Variants in EYA2 observed in about 807,000 individuals in gnomAD.
The protein encoded by EYA2 is EYA transcriptional coactivator and phosphatase 2, also known as protein phosphatase EYA2.
A neutral mutation model predicts 69.2 loss-of-function variants in EYA2; 31 were observed. The ratio of observed to expected loss-of-function variants is 0.45; its 90% CI spans 0.34 to 0.60. EYA2 has a LOEUF of 0.60. Ranked by LOEUF, EYA2 falls within the 20% of genes least tolerant of loss-of-function variation. The pLI is 0.02. For missense variants in EYA2, 622 were observed against 701.2 expected, an observed-to-expected ratio of 0.89 and a Z score of 1.28; for synonymous variants, 257 against 279.4, an observed-to-expected ratio of 0.92 and a Z score of 0.80.
At chr20:47,177,611 G>A (rs1282551952) in intron 12 of EYA2, among the ~76,000 whole-genome samples, 3 of 152,218 alleles carry the variant, frequency 2.0e-5, no homozygotes, top group African/African-American at 7.2e-5. Context: ...GAGTGAGGGG[G>A]CACGTGGTCC....
chr20:47,108,176 A>G (rs796701437), intron 9 of EYA2, among the ~76,000 whole-genome samples: 7 of 152,296 alleles, frequency 4.6e-5, no homozygotes, highest in African/African-American at 1.7e-4. Flanking sequence ...TTTCATCCCC[A>G]TTGTTGAAGG....
chr20:47,091,815 C>T (rs1310232601), intron 8 of EYA2, among the ~76,000 whole-genome samples: 4 of 151,976 alleles, frequency 2.6e-5, no homozygotes, highest in African/African-American at 7.3e-5. Flanking sequence ...GAGAGGAGGC[C>T]GTAAAACCAA....
At chr20:47,078,021 A>G (rs1169595029) in intron 7 of EYA2, among the ~76,000 whole-genome samples, 1 of 152,164 alleles carries the variant, frequency 6.6e-6, no homozygotes, top group Non-Finnish European at 1.5e-5. Flanking sequence ...CAAACGAAAA[A>G]CTTACCTCCC....
At position 47,041,721 on chromosome 20, in the gene EYA2, G is replaced by A. The variant is rs370454160; in HGVS notation, c.415+25424G>A. Among the ~76,000 whole-genome samples the A allele has an allele frequency of 3.3e-5, 5 of 152,250 alleles. No homozygotes were observed. In the South Asian group the frequency reaches 1.0e-3, roughly 32 times the overall value. ...GTGATGCCTGCCATGACCACGGGAGGGGAGTTTTAGGATAGGTGCTCAGAT... is the reference window on the plus strand; with the variant it reads ...GTGATGCCTGCCATGACCACGGGAGAGGAGTTTTAGGATAGGTGCTCAGAT... On this transcript the variant is annotated intron_variant, in intron 5 of 15. Coordinates refer to ENST00000327619, the MANE Select transcript of EYA2 (RefSeq NM_005244.5).
chr20:47,125,480 T>G lies in EYA2; in HGVS notation c.889-17579T>G, dbSNP rs368273893. Among the ~76,000 whole-genome samples, 9 of 152,322 alleles carry G rather than the reference T, an allele frequency of 5.9e-5. No homozygotes were observed. In the East Asian group the frequency reaches 1.5e-3, roughly 26 times the overall value. Reference sequence around the variant, plus strand: ...TTTAAACATGTGAATCAACTTATTTTTTCTTTATCAGCATCATTTTCTTGT... The same window carrying G: ...TTTAAACATGTGAATCAACTTATTTGTTCTTTATCAGCATCATTTTCTTGT... On this transcript the variant is annotated intron_variant, in intron 9 of 15. Transcript: ENST00000327619.
rs368793956 is a variant in EYA2, at chr20:46,940,056, G to A, written c.-11+45069G>A. Among the ~76,000 whole-genome samples, 1,375 of 152,266 alleles carry A rather than the reference G, an allele frequency of 9.0e-3. 19 individuals carry two copies. Among genetic ancestry groups the A allele is most frequent in the African/African-American group, 0.03 (1,262 of 41,556 alleles). Reference sequence around the variant, plus strand: ...CTACTACGTGCGAGGATCTTGCAAAGATACACAAGAAATATAATAGGCCTA... The same window carrying A: ...CTACTACGTGCGAGGATCTTGCAAAAATACACAAGAAATATAATAGGCCTA... On this transcript the variant is annotated intron_variant, in intron 1 of 15. Transcript: ENST00000327619.
At chr20:46,929,262 A>G (rs1033481865) in intron 1 of EYA2, among the ~76,000 whole-genome samples, 1 of 152,068 alleles carries the variant, frequency 6.6e-6, no homozygotes, top group Non-Finnish European at 1.5e-5. Context: ...TTAAACTGCT[A>G]TAGTCCTGTG....
chr20:47,177,345 C>T (rs778632418), intron 12 of EYA2, among the ~76,000 whole-genome samples: 7 of 152,184 alleles, frequency 4.6e-5, no homozygotes, highest in Non-Finnish European at 7.3e-5. Context: ...ACCCCTGGCT[C>T]AAGCGATCCT....
At position 46,945,825 on chromosome 20, in the gene EYA2, C is replaced by T. The variant is rs528369179; in HGVS notation, c.-10-44176C>T. The stretch of plus-strand genomic sequence containing the variant: ...TTGGGTAAGCTTTTCAGACCTTCTG[C>T]GGCTCTTTGCTGCAGAAGGTGGAGG... On this transcript the variant is annotated intron_variant, in intron 1 of 15. Transcript: ENST00000327619. Among the ~76,000 whole-genome samples, 8 of 152,298 alleles carry T rather than the reference C, an allele frequency of 5.3e-5. No homozygotes were observed. The South Asian group carries it at 1.2e-3, about 24-fold the overall frequency.
chr20:47,135,856 A>C (rs1352393450), intron 9 of EYA2, among the ~76,000 whole-genome samples: 1 of 134,898 alleles, frequency 7.4e-6, no homozygotes, highest in African/African-American at 3.0e-5. Context: ...CAAACAAACA[A>C]AAAACTAATT....
chr20:46,944,200 T>C (rs1484275591), intron 1 of EYA2, among the ~76,000 whole-genome samples: 1 of 152,146 alleles, frequency 6.6e-6, no homozygotes, highest in African/African-American at 2.4e-5. Flanking sequence ...CATGGTCCTG[T>C]TTTGGCCAAG....
intron 1 of EYA2, among the ~76,000 whole-genome samples, chr20:46,925,076 C>T (rs1265984773): frequency 6.6e-6 from 1 of 152,234 alleles, no homozygotes; most frequent in Non-Finnish European, 1.5e-5. Context: ...TCACCCCAAT[C>T]TCTGCCTCTG....
chr20:46,918,549 C>T (rs1184727430), intron 1 of EYA2, among the ~76,000 whole-genome samples: 1 of 152,114 alleles, frequency 6.6e-6, no homozygotes, highest in South Asian at 2.1e-4. Flanking sequence ...TCAGGCGATC[C>T]ATCCACCTTG....
chr20:47,074,367 G>A lies in EYA2; in HGVS notation c.661+32G>A, dbSNP rs772736202. On this transcript the variant is annotated intron_variant, in intron 7 of 15. Coordinates refer to ENST00000327619, the MANE Select transcript of EYA2 (RefSeq NM_005244.5). ...GCAGTCACTGGTGGGGCCATTCATG[G>A]CTGTGGTCTGAGAGCTTCTATGAAG... 6 of 1,607,418 alleles carry A rather than the reference G, an allele frequency of 3.7e-6. No homozygotes were observed. In the South Asian group the frequency reaches 6.6e-5, roughly 18 times the overall value.
intron 1 of EYA2, among the ~76,000 whole-genome samples, chr20:46,989,193 G>C (rs183616728): frequency 6.6e-6 from 1 of 152,302 alleles, no homozygotes; most frequent in African/African-American, 2.4e-5. Context: ...GTGATGAGCT[G>C]TTGAGTGTTG....
At chr20:47,086,054 T>A (rs1273250174) in intron 7 of EYA2, among the ~76,000 whole-genome samples, 1 of 152,234 alleles carries the variant, frequency 6.6e-6, no homozygotes, top group Non-Finnish European at 1.5e-5. Flanking sequence ...AGAAAAAGAA[T>A]GAAATTACTC....
At chr20:46,901,566 G>A (rs1437650935) in intron 1 of EYA2, 2 of 152,244 alleles carry the variant, frequency 1.3e-5, no homozygotes, top group African/African-American at 4.8e-5. Flanking sequence ...GAGGCAGGGT[G>A]TCAGCGCAAA....
intron 4 of EYA2, among the ~76,000 whole-genome samples, chr20:47,007,981 A>G (rs2146356342): frequency 6.6e-6 from 1 of 152,292 alleles, no homozygotes; most frequent in South Asian, 2.1e-4. Flanking sequence ...AGAGGGGATC[A>G]GGAGGAGAAG....
chr20:47,086,720 C>T (rs1002866611), intron 7 of EYA2, among the ~76,000 whole-genome samples: 4 of 151,972 alleles, frequency 2.6e-5, no homozygotes, highest in Non-Finnish European at 2.9e-5. Context: ...GAGATTTGGG[C>T]GGGGACACAG....
Sources: gnomAD v4.1 joint callset for allele counts (sites outside exome capture counted in the v4.1 genomes callset) on GRCh38, gnomAD v4.1.1 for gene constraint, MANE v1.5 for transcripts, NCBI Gene and HGNC (gene_info 2026-07-23, HGNC 2026-07-21) for gene names.